COL15A1: variants seen among roughly 807,000 people sequenced by gnomAD.
The protein encoded by COL15A1 is collagen alpha-1(XV) chain.
In COL15A1, 111 loss-of-function variants were observed where a neutral mutation model predicts 165.9. That is an observed-to-expected ratio of 0.67 (90% CI 0.57 to 0.78). COL15A1 has a LOEUF of 0.78. Ranked by LOEUF, COL15A1 falls within the 30% of genes least tolerant of loss-of-function variation. The probability of loss-of-function intolerance (pLI) is 0.00; values close to 1 mark genes in which losing one functional copy is unlikely to be tolerated. For missense variants in COL15A1, 1,745 were observed against 1,789.7 expected, an observed-to-expected ratio of 0.98 and a Z score of 0.45; for synonymous variants, 659 against 674.8, an observed-to-expected ratio of 0.98 and a Z score of 0.36.
chr9:99,056,193 A>G, intron 34 of COL15A1, 67 bp from the exon 35 acceptor site: 1 of 1,430,988 alleles, frequency 7.0e-7, no homozygotes. Flanking sequence ...TTCTCATAAA[A>G]GGACTAGATG....
chr9:99,028,377 G>A (rs1839163775), intron 16 of COL15A1, among the ~76,000 whole-genome samples: 1 of 152,164 alleles, frequency 6.6e-6, no homozygotes, highest in South Asian at 2.1e-4. Flanking sequence ...AACAGGCTGG[G>A]TGCGGTGGCT....
chr9:98,944,639 C>A (rs974794546), intron 2 of COL15A1, among the ~76,000 whole-genome samples: 12 of 152,278 alleles, frequency 7.9e-5, no homozygotes, highest in African/African-American at 2.2e-4. Context: ...TCTGGTGCCT[C>A]TCCGCACACA....
At chr9:99,026,575 C>T (rs1179798719) in intron 16 of COL15A1, among the ~76,000 whole-genome samples, 1 of 152,208 alleles carries the variant, frequency 6.6e-6, no homozygotes, top group African/African-American at 2.4e-5. Context: ...CATCCCCCAA[C>T]TCCTCACACG....
chr9:99,065,302 A>G (rs1304080847), intron 39 of COL15A1, among the ~76,000 whole-genome samples: 5 of 152,090 alleles, frequency 3.3e-5, no homozygotes, highest in Admixed American at 3.3e-4. Flanking sequence ...CATTCCATCA[A>G]GGCCTCGTGT....
At chr9:98,967,338 C>G (rs952009518) in intron 2 of COL15A1, among the ~76,000 whole-genome samples, 17 of 152,228 alleles carry the variant, frequency 1.1e-4, no homozygotes, top group Admixed American at 3.3e-4. Context: ...GGAGCCACAG[C>G]TCTGTTGGAG....
intron 23 of COL15A1, among the ~76,000 whole-genome samples, chr9:99,041,691 C>T (rs553527873): frequency 5.9e-5 from 9 of 152,096 alleles, no homozygotes; most frequent in African/African-American, 1.4e-4. Context: ...GGGTGGGAGT[C>T]GTGGAAGGGG....
chr9:99,040,425 G>T, intron 22 of COL15A1, 96 bp from the exon 23 acceptor site: 1 of 1,598,792 alleles, frequency 6.3e-7, no homozygotes, highest in Non-Finnish European at 8.6e-7. Context: ...GTGGGAACAT[G>T]CTGAGGCCTT....
chr9:98,998,016 G>C (rs1838578833), intron 6 of COL15A1, among the ~76,000 whole-genome samples: 1 of 152,186 alleles, frequency 6.6e-6, no homozygotes, highest in African/African-American at 2.4e-5. Context: ...AAGATTTAAT[G>C]ACCCAGGGAC....
At chr9:99,003,911 C>T in intron 8 of COL15A1, among the ~76,000 whole-genome samples, 1 of 151,818 alleles carries the variant, frequency 6.6e-6, no homozygotes, top group East Asian at 1.9e-4. Flanking sequence ...AAAAAGGGGC[C>T]CAGAGCCCAG....
At chr9:99,025,759 A>G in intron 15 of COL15A1, 145 bp from the exon 16 acceptor site, 2 of 776,098 alleles carry the variant, frequency 2.6e-6, no homozygotes, top group Non-Finnish European at 4.5e-6. Flanking sequence ...TGGGCCAAGG[A>G]CTAGGTTCCT....
intron 16 of COL15A1, 91 bp from the exon 17 acceptor site, chr9:99,034,458 T>C (rs1488227584): frequency 8.0e-6 from 12 of 1,501,748 alleles, no homozygotes; most frequent in Non-Finnish European, 1.1e-5. Context: ...ATATCCTATT[T>C]CCTTGGAGTC....
chr9:99,028,484 C>G (rs1008200728), intron 16 of COL15A1, among the ~76,000 whole-genome samples: 4 of 151,986 alleles, frequency 2.6e-5, no homozygotes, highest in African/African-American at 9.7e-5. Flanking sequence ...AACTTCGTCT[C>G]TACTAAAAAT....
intron 24 of COL15A1, among the ~76,000 whole-genome samples, chr9:99,044,078 A>C (rs1839455023): frequency 6.6e-6 from 1 of 152,060 alleles, no homozygotes; most frequent in Admixed American, 6.5e-5. Context: ...TCCTAATTTC[A>C]GGTGTTTTAA....
chr9:99,023,566 G>A lies in COL15A1; in HGVS notation c.1854+117G>A, dbSNP rs561170151. 83 of 608,620 alleles carry A rather than the reference G, an allele frequency of 1.4e-4. No individual in the cohort carries two copies. The South Asian group carries it at 1.4e-3, about 10-fold the overall frequency. The allele number at this position is 608,620 out of a possible 1,614,324, so 37.7% of individuals were successfully genotyped here. On this transcript the variant is annotated intron_variant, in intron 14 of 41. Transcript: ENST00000375001. ...TGGATTGGCTGCTGCTGGGGTTGCCGGCAGTGAGCTCATGGGGGTTCATTC... is the reference window on the plus strand; with the variant it reads ...TGGATTGGCTGCTGCTGGGGTTGCCAGCAGTGAGCTCATGGGGGTTCATTC...
intron 36 of COL15A1, 47 bp downstream of exon 36, chr9:99,060,000 T>A (rs1825783710): frequency 8.1e-6 from 13 of 1,599,746 alleles, no homozygotes; most frequent in Non-Finnish European, 1.0e-5. Context: ...TTGGGATAGA[T>A]ATACTTAAAA....
At chr9:99,034,407 GT>G in intron 16 of COL15A1, 141 bp from the exon 17 acceptor site, 1 of 1,370,224 alleles carries the variant, frequency 7.3e-7, no homozygotes, top group Middle Eastern at 2.0e-4. Context: ...AATGTGTTTG[GT>G]TTGGAGACAC....
chr9:99,019,349 C>T (rs569710692), intron 11 of COL15A1, among the ~76,000 whole-genome samples: 35 of 151,986 alleles, frequency 2.3e-4, no homozygotes, highest in Non-Finnish European at 2.8e-4. Flanking sequence ...AGACATGTGC[C>T]GCTACTACCC....
chr9:99,015,503 G>C lies in COL15A1; in HGVS notation c.1440G>C (p.Gly480=). Residue 480 remains glycine, a synonymous_variant, in exon 10 of 42, where the codon GGG becomes GGC. Transcript: ENST00000375001. ...LSTFEDEEAS[G]VPTDGLAPLT... ...CTTTTGAGGATGAGGAAGCCAGTGG[G>C]GTCCCCACAGATGGCCTGGCTCCCC... 1 of 1,613,490 alleles carries C rather than the reference G, an allele frequency of 6.2e-7. No individual in the cohort carries two copies. Among genetic ancestry groups the C allele is most frequent in the Non-Finnish European group, 8.5e-7 (1 of 1,179,680 alleles).
At position 99,035,043 on chromosome 9, in the gene COL15A1, A is replaced by G; in HGVS notation, c.2109A>G (p.Gly703=). 6.2e-7 allele frequency: 1 copy of G among 1,612,926 alleles called. No individual in the cohort carries two copies. The highest frequency in any genetic ancestry group is 8.5e-7 in the Non-Finnish European group (1 of 1,179,244). ...ACCCTGGCAACAGAGGCTTACCTGG[A>G]CCCCCGGGGAAAAAGGGACAAGCTG... ...KGDPGNRGLP[G]PPGKKGQAGP... is the part of the protein sequence containing the mutation. Residue 703 remains glycine (G), a synonymous_variant, in exon 18 of 42, where the codon GGA becomes GGG. Transcript: ENST00000375001.
Sources: gnomAD v4.1 joint callset for allele counts (sites outside exome capture counted in the v4.1 genomes callset) on GRCh38, gnomAD v4.1.1 for gene constraint, MANE v1.5 for transcripts, NCBI Gene and HGNC (gene_info 2026-07-23, HGNC 2026-07-21) for gene names.